CCDC7: variants seen among roughly 807,000 people sequenced by gnomAD.
CCDC7 encodes the protein coiled-coil domain-containing protein 7.
In CCDC7, 183 loss-of-function variants were observed where a neutral mutation model predicts 196.9. The ratio of observed to expected loss-of-function variants is 0.93; its 90% confidence interval spans 0.82 to 1.05. The LOEUF (loss-of-function observed/expected upper bound fraction) is 1.05, where lower values mean the gene tolerates loss of function less well. CCDC7 is among the 50% of genes least tolerant of loss of function. CCDC7 has a pLI of 0.00. For missense variants in CCDC7, 1,540 were observed against 1,482.2 expected, an observed-to-expected ratio of 1.04 and a Z score of -0.64; for synonymous variants, 525 against 484.6, an observed-to-expected ratio of 1.08 and a Z score of -1.10.
intron 20 of CCDC7, among the ~76,000 whole-genome samples, chr10:32,650,781 G>A (rs2068613982): frequency 6.6e-6 from 1 of 152,190 alleles, no homozygotes; most frequent in Non-Finnish European, 1.5e-5. Context: ...AGGCACTCAG[G>A]GATGGGTTCT....
intron 25 of CCDC7, among the ~76,000 whole-genome samples, chr10:32,720,284 A>G (rs1246218095): frequency 6.6e-6 from 1 of 151,774 alleles, no homozygotes; most frequent in Admixed American, 6.6e-5. Flanking sequence ...CAGCAAACTA[A>G]CACAGCAAAC....
chr10:32,868,185 T>G (rs1047748478), intron 41 of CCDC7, among the ~76,000 whole-genome samples: 10 of 151,976 alleles, frequency 6.6e-5, no homozygotes, highest in Admixed American at 6.6e-4. Context: ...CACTTGGGCT[T>G]CCTCTACCTT....
chr10:32,535,176 C>T (rs2050277253), intron 11 of CCDC7, among the ~76,000 whole-genome samples: 3 of 151,562 alleles, frequency 2.0e-5, no homozygotes, highest in Admixed American at 2.0e-4. Flanking sequence ...TATTTATGTT[C>T]TGGGTTGTTG....
At chr10:32,672,906 A>G (rs1433404539) in intron 21 of CCDC7, among the ~76,000 whole-genome samples, 2 of 152,134 alleles carry the variant, frequency 1.3e-5, no homozygotes, top group Non-Finnish European at 2.9e-5. Flanking sequence ...GAAGGTTGCT[A>G]TCTCCTCTGC....
intron 28 of CCDC7, among the ~76,000 whole-genome samples, chr10:32,763,234 A>T (rs773843575): frequency 6.6e-6 from 1 of 152,008 alleles, no homozygotes; most frequent in African/African-American, 2.4e-5. Context: ...GAAATGAAAC[A>T]TACAAATGGT....
chr10:32,766,195 G>A (rs2078267418), intron 28 of CCDC7, among the ~76,000 whole-genome samples: 1 of 152,016 alleles, frequency 6.6e-6, no homozygotes, highest in South Asian at 2.1e-4. Flanking sequence ...AATGGGACGT[G>A]TCAAGATATT....
intron 18 of CCDC7, among the ~76,000 whole-genome samples, chr10:32,621,386 G>A (rs374445095): frequency 6.6e-6 from 1 of 152,104 alleles, no homozygotes; most frequent in Non-Finnish European, 1.5e-5. Flanking sequence ...AGCCTTACAT[G>A]TTTTCATTAT....
intron 18 of CCDC7, among the ~76,000 whole-genome samples, chr10:32,613,178 AT>A (rs1263075793): frequency 1.3e-5 from 2 of 151,878 alleles, no homozygotes; most frequent in South Asian, 4.2e-4. Context: ...GAATTTATCC[AT>A]TTATTCTAGA....
At chr10:32,680,171 C>A (rs1591522764) in intron 21 of CCDC7, among the ~76,000 whole-genome samples, 1 of 152,130 alleles carries the variant, frequency 6.6e-6, no homozygotes, top group Non-Finnish European at 1.5e-5. Context: ...CTTTTTTATT[C>A]CTAGACAGAT....
chr10:32,642,317 C>T (rs577886982), intron 20 of CCDC7, among the ~76,000 whole-genome samples: 212 of 152,288 alleles, frequency 1.4e-3, no homozygotes, highest in South Asian at 2.5e-3. Context: ...GTTTCCCAGC[C>T]GCTTTGTTTA....
At chr10:32,664,341 T>C (rs117489971) in intron 21 of CCDC7, among the ~76,000 whole-genome samples, 180 bp downstream of exon 22, 1,801 of 152,170 alleles carry the variant, frequency 0.012, 22 homozygotes, top group South Asian at 0.02. Context: ...TTAACATGTA[T>C]ATTACCTTGT....
exon 5 of CCDC7, chr10:32,463,034 C>A: frequency 6.2e-7 from 1 of 1,613,252 alleles, no homozygotes; most frequent in East Asian, 2.2e-5. Context: ...AGTGGCAGGT[C>A]AATCAGATGG....
intron 21 of CCDC7, among the ~76,000 whole-genome samples, chr10:32,671,441 T>C (rs1479680811): frequency 2.6e-5 from 4 of 152,140 alleles, no homozygotes; most frequent in Non-Finnish European, 5.9e-5. Flanking sequence ...ACCATGTAGG[T>C]TTATGCAATG....
intron 25 of CCDC7, among the ~76,000 whole-genome samples, chr10:32,717,895 C>CAA (rs56282080): frequency 8.4e-4 from 109 of 130,412 alleles, no homozygotes; most frequent in African/African-American, 2.9e-3. Flanking sequence ...AATAGCCTAC[C>CAA]AAAAAAAAAA....
chr10:32,851,072 G>A (rs1029817873), intron 39 of CCDC7, among the ~76,000 whole-genome samples: 3 of 152,084 alleles, frequency 2.0e-5, no homozygotes, highest in African/African-American at 2.4e-5. Context: ...TCTAGTCTCT[G>A]TGTTCTTTAT....
At chr10:32,475,178 T>C (rs1269019109) in intron 8 of CCDC7, among the ~76,000 whole-genome samples, 1 of 152,182 alleles carries the variant, frequency 6.6e-6, no homozygotes, top group African/African-American at 2.4e-5. Flanking sequence ...CCTTCTAATA[T>C]TGTACCTTGG....
intron 18 of CCDC7, among the ~76,000 whole-genome samples, chr10:32,603,132 C>G (rs2138415183): frequency 6.6e-6 from 1 of 151,698 alleles, no homozygotes; most frequent in South Asian, 2.1e-4. Context: ...TTGTAGCTAT[C>G]ATTGTACTCT....
intron 3 of CCDC7, among the ~76,000 whole-genome samples, chr10:32,461,381 C>T (rs1315990499): frequency 6.6e-6 from 1 of 152,010 alleles, no homozygotes; most frequent in Non-Finnish European, 1.5e-5. Context: ...GCTCATGAAA[C>T]TTATTGAATA....
chr10:32,693,795 A>G (rs142254948), intron 23 of CCDC7, among the ~76,000 whole-genome samples: 2 of 152,124 alleles, frequency 1.3e-5, no homozygotes, highest in African/African-American at 4.8e-5. Context: ...TGATGTGTCT[A>G]AATGGTCCCT....
Sources: allele counts gnomAD v4.1 joint callset (sites outside exome capture counted in the v4.1 genomes callset), GRCh38; gene constraint gnomAD v4.1.1; transcripts MANE v1.5; gene names NCBI Gene and HGNC (gene_info 2026-07-23, HGNC 2026-07-21).